The following SEPTIN9 variants were observed in gnomAD, a reference collection of about 807,000 sequenced individuals.
The protein encoded by SEPTIN9 is septin-9.
SEPTIN9 carries 13 observed loss-of-function variants against 56.6 expected under a neutral mutation model. The observed-to-expected ratio is 0.23, with a 90% CI of 0.15 to 0.37. The LOEUF (loss-of-function observed/expected upper bound fraction) is 0.37, where lower values mean the gene tolerates loss of function less well. Among genes scored for constraint, SEPTIN9 ranks in the 10% least tolerant of loss-of-function variants. The pLI is 1.00. For missense variants in SEPTIN9, 650 were observed against 823.1 expected, an observed-to-expected ratio of 0.79 and a Z score of 2.57; for synonymous variants, 332 against 334.1, an observed-to-expected ratio of 0.99 and a Z score of 0.07.
rs1387683422 is a variant in SEPTIN9, at chr17:77,327,330, C to G, written c.76+20133C>G. ...CCTGGCCCGTCTCTTGCTCTGGGCA[C>G]CCCCCCACTCCGAACGGCCAGAGCT... On this transcript the variant is annotated intron_variant, in intron 2 of 11. Coordinates refer to ENST00000427177, the MANE Select transcript of SEPTIN9 (RefSeq NM_001113491.2). This position sits in a 1 kb window ranked among gnomAD's most constrained non-coding sequence, Gnocchi z 5.0. Among the ~76,000 whole-genome samples the G allele has an allele frequency of 1.3e-5, 2 of 150,522 alleles. No individual in the cohort carries two copies. The highest frequency in any genetic ancestry group is 2.4e-5 in the African/African-American group (1 of 41,366).
chr17:77,331,941 A>G (rs771198243), intron 2 of SEPTIN9, among the ~76,000 whole-genome samples: 1 of 151,958 alleles, frequency 6.6e-6, no homozygotes, highest in Non-Finnish European at 1.5e-5. Context: ...TCTTTTTTAC[A>G]TTTTTCCAAC....
chr17:77,385,431 C>G (rs2035302608), intron 2 of SEPTIN9, among the ~76,000 whole-genome samples: 1 of 152,098 alleles, frequency 6.6e-6, no homozygotes, highest in Non-Finnish European at 1.5e-5. Context: ...GTTGACCAGG[C>G]TGGTCTCAAA....
intron 2 of SEPTIN9, among the ~76,000 whole-genome samples, chr17:77,387,324 T>C (rs1343953416): frequency 2.0e-5 from 3 of 152,236 alleles, no homozygotes; most frequent in Non-Finnish European, 4.4e-5. Context: ...TCTCTGTGTC[T>C]CTGTGTCTCG....
intron 2 of SEPTIN9, among the ~76,000 whole-genome samples, chr17:77,385,143 G>A (rs952574186): frequency 6.6e-6 from 1 of 150,856 alleles, no homozygotes; most frequent in Non-Finnish European, 1.5e-5. Context: ...ACCAGCCTGG[G>A]CAACATAGGG....
At position 77,429,282 on chromosome 17, in the gene SEPTIN9, C is replaced by G. The variant is rs2144268553; in HGVS notation, c.721+26579C>G. ...TGATCTGACCGTAATTTTGATGGTG[C>G]CGATGCCGTCAGCACGCAGGCCTCC... On this transcript the variant is annotated intron_variant, in intron 3 of 11. Transcript: ENST00000427177. The surrounding 1 kb of genome is among the most constrained non-coding windows in gnomAD (Gnocchi z 5.2). 2.1e-6 allele frequency: 1 copy of G among 471,204 alleles called. No individual in the cohort carries two copies. The highest frequency in any genetic ancestry group is 6.9e-5 in the East Asian group (1 of 14,400). 29.2% of individuals were successfully genotyped at this position (471,204 alleles called of 1,614,324 possible). A position where few individuals can be genotyped will look rare whatever the true frequency, so the allele number is the denominator to read the frequency against.
chr17:77,401,484 G>A (rs1421783285), intron 2 of SEPTIN9, among the ~76,000 whole-genome samples: 2 of 152,284 alleles, frequency 1.3e-5, no homozygotes, highest in African/African-American at 2.4e-5. Flanking sequence ...GGTGGCGCAC[G>A]CCTGTAATCC....
chr17:77,387,938 C>G (rs1339267243), intron 2 of SEPTIN9, among the ~76,000 whole-genome samples: 2 of 133,512 alleles, frequency 1.5e-5, no homozygotes, highest in African/African-American at 5.4e-5. Flanking sequence ...AGCTTCACTT[C>G]CCCAAAGGCA....
At position 77,475,219 on chromosome 17, in the gene SEPTIN9, A is replaced by G; in HGVS notation, c.722-6925A>G. On this transcript the variant is annotated intron_variant, in intron 3 of 11. Transcript: ENST00000427177. This position sits in a 1 kb window ranked among gnomAD's most constrained non-coding sequence, Gnocchi z 4.6. Reference sequence around the variant, plus strand: ...CCCTGTGTGGGGGGGTTGTGGTGAGAGGAAACCGCACACATCATTATTCAG... The same window carrying G: ...CCCTGTGTGGGGGGGTTGTGGTGAGGGGAAACCGCACACATCATTATTCAG... 7.9e-7 allele frequency: 1 copy of G among 1,259,302 alleles called. No individual in the cohort carries two copies. Among genetic ancestry groups the G allele is most frequent in the South Asian group, 2.3e-5 (1 of 44,362 alleles). 78.0% of individuals were successfully genotyped at this position (1,259,302 alleles called of 1,614,324 possible).
rs184120261 is a variant in SEPTIN9 at position 77,348,256 on chromosome 17, G to T, written c.76+41059G>T. 3.7e-3 allele frequency among the ~76,000 whole-genome samples: 433 copies of T among 116,172 alleles called. 2 individuals carry two copies. The highest frequency in any genetic ancestry group is 4.6e-3 in the Non-Finnish European group (246 of 53,106). The allele number at this position is 116,172 out of a possible 152,430, so 76.2% of individuals were successfully genotyped here. ...ATCTTGCTTTCTTGGCTTCTTTTAT[G>T]TTAATTAAGTATTTTTTAGAATTCT... is the stretch of plus-strand genomic sequence containing the variant. On this transcript the variant is annotated intron_variant, in intron 2 of 11. Transcript: ENST00000427177.
chr17:77,384,762 C>T (rs916255455), intron 2 of SEPTIN9, among the ~76,000 whole-genome samples: 1 of 151,758 alleles, frequency 6.6e-6, no homozygotes, highest in Non-Finnish European at 1.5e-5. Flanking sequence ...AGAGAACGGG[C>T]CCAAAATGTG....
At chr17:77,390,937 G>A (rs55787224) in intron 2 of SEPTIN9, among the ~76,000 whole-genome samples, 2,371 of 152,302 alleles carry the variant, frequency 0.016, 63 homozygotes, top group African/African-American at 0.055. Flanking sequence ...AGCTGGGTTT[G>A]TCCCAGGAAG....
At chr17:77,358,939 C>A (rs2034335349) in intron 2 of SEPTIN9, among the ~76,000 whole-genome samples, 2 of 152,152 alleles carry the variant, frequency 1.3e-5, no homozygotes, top group Non-Finnish European at 2.9e-5. Flanking sequence ...TATGGGGGCC[C>A]AGGACAGCCC....
chr17:77,375,046 C>G (rs1348991396), intron 2 of SEPTIN9: 4 of 144,088 alleles, frequency 2.8e-5, no homozygotes, highest in East Asian at 4.5e-4. Context: ...TCCCGCCCCC[C>G]TCCCCCACAA....
chr17:77,355,198 C>T (rs1448885810), intron 2 of SEPTIN9, among the ~76,000 whole-genome samples: 1 of 152,158 alleles, frequency 6.6e-6, no homozygotes, highest in Non-Finnish European at 1.5e-5. Context: ...TGTTTTCATT[C>T]CGTGGCCCAG....
intron 2 of SEPTIN9, among the ~76,000 whole-genome samples, chr17:77,335,609 C>T (rs2033521176): frequency 6.7e-6 from 1 of 149,894 alleles, no homozygotes; most frequent in Non-Finnish European, 1.5e-5. Context: ...TACATGTAGG[C>T]CCCATGTTGA....
chr17:77,499,325 C>T lies in SEPTIN9; in HGVS notation c.*667C>T, dbSNP rs548916140. 16 of 595,548 alleles carry T rather than the reference C, an allele frequency of 2.7e-5. No homozygotes were observed. Among genetic ancestry groups the T allele is most frequent in the South Asian group, 8.4e-5 (6 of 71,256 alleles). The allele number at this position is 595,548 out of a possible 1,614,324, so 36.9% of individuals were successfully genotyped here. A position where few individuals can be genotyped will look rare whatever the true frequency, so the allele number is the denominator to read the frequency against. Reference sequence around the variant, plus strand: ...CATCCGCAGACTGCTTGGCCAGATGCGGGGACAGGCTGGAATGAGGGAGGC... The same window carrying T: ...CATCCGCAGACTGCTTGGCCAGATGTGGGGACAGGCTGGAATGAGGGAGGC... On this transcript the variant is annotated 3_prime_UTR_variant, in exon 12 of 12. Coordinates refer to ENST00000427177, the MANE Select transcript of SEPTIN9 (RefSeq NM_001113491.2).
At chr17:77,336,679 G>A (rs987404942) in intron 2 of SEPTIN9, among the ~76,000 whole-genome samples, 1 of 151,828 alleles carries the variant, frequency 6.6e-6, no homozygotes, top group Admixed American at 6.6e-5. Flanking sequence ...TAAATACATA[G>A]TTTTACTTCT....
chr17:77,406,891 G>T (rs914047721), intron 3 of SEPTIN9, among the ~76,000 whole-genome samples: 2 of 151,890 alleles, frequency 1.3e-5, no homozygotes, highest in Non-Finnish European at 2.9e-5. Flanking sequence ...GGCTGGTCTC[G>T]AACTCCTGAC....
At chr17:77,473,717 C>G (rs1003486546) in intron 3 of SEPTIN9, among the ~76,000 whole-genome samples, 2 of 152,208 alleles carry the variant, frequency 1.3e-5, no homozygotes, top group Non-Finnish European at 2.9e-5. Flanking sequence ...CCGGAAGTCT[C>G]GGCTAATAAA....
Sources: gnomAD v4.1 joint callset for allele counts (sites outside exome capture counted in the v4.1 genomes callset) on GRCh38, gnomAD v4.1.1 for gene constraint, Gnocchi (gnomAD v3.1) non-coding constraint, MANE v1.5 for transcripts, NCBI Gene and HGNC (gene_info 2026-07-23, HGNC 2026-07-21) for gene names.